The following DGKH variants were observed in gnomAD, a reference collection of about 807,000 sequenced individuals.
DGKH encodes the protein DAG kinase eta.
In DGKH, 90 loss-of-function variants were observed where a neutral mutation model predicts 159.3. That is an observed-to-expected ratio of 0.57 (90% CI 0.48 to 0.67). The LOEUF (loss-of-function observed/expected upper bound fraction) is 0.67. DGKH is among the 30% of genes least tolerant of loss of function. The pLI, the probability that DGKH is intolerant of heterozygous loss-of-function variation, is 0.00. For synonymous variants in DGKH, 536 were observed against 553.8 expected, an observed-to-expected ratio of 0.97 and a Z score of 0.45; for missense variants, 1,181 against 1,506.1, an observed-to-expected ratio of 0.78 and a Z score of 3.57.
chr13:42,102,570 A>T (rs1319243506), intron 1 of DGKH, among the ~76,000 whole-genome samples: 1 of 152,208 alleles, frequency 6.6e-6, no homozygotes, highest in Non-Finnish European at 1.5e-5. Flanking sequence ...AGAATGAATG[A>T]AGAAGTCCCA....
chr13:42,047,056 T>G (rs1314746525), upstream of DGKH, among the ~76,000 whole-genome samples: 3 of 152,242 alleles, frequency 2.0e-5, no homozygotes, highest in African/African-American at 7.2e-5. Flanking sequence ...GAATTACATA[T>G]TTGTAGAGTT....
rs10589269 is a variant in DGKH at position 42,074,648 on chromosome 13, G to GTCCATCCA, written c.192+25717_192+25724dup. ...GCCACTGTCTGTATTGTATCTATCC[G>GTCCATCCA]TCCATCCATCCATCCATCCATCCAT... On this transcript the variant is annotated intron_variant, in intron 1 of 29. Coordinates refer to ENST00000337343, the MANE Select transcript of DGKH (RefSeq NM_178009.5). Among the ~76,000 whole-genome samples, 999 of 149,048 alleles carry GTCCATCCA rather than the reference G, an allele frequency of 6.7e-3. 8 individuals are homozygous for GTCCATCCA. The highest frequency in any genetic ancestry group is 0.011 in the South Asian group (51 of 4,636).
At chr13:42,123,540 C>T (rs978118382) in intron 1 of DGKH, among the ~76,000 whole-genome samples, 1 of 7,652 alleles carries the variant, frequency 1.3e-4, no homozygotes, top group African/African-American at 2.8e-4. Flanking sequence ...GCCATTAATA[C>T]AATGGAAAAA....
chr13:42,256,539 A>C, exon 31 of DGKH: 2 of 762,046 alleles, frequency 2.6e-6, no homozygotes, highest in Non-Finnish European at 4.7e-6. Flanking sequence ...AAGTGATTTA[A>C]GTAAATTTAT....
intron 11 of DGKH, among the ~76,000 whole-genome samples, 172 bp from the exon 12 acceptor site, chr13:42,173,888 A>T (rs1317763662): frequency 1.3e-5 from 2 of 152,004 alleles, no homozygotes; most frequent in African/African-American, 2.4e-5. Flanking sequence ...CTGAAATGTG[A>T]TCTCTTTTCC....
intron 1 of DGKH, among the ~76,000 whole-genome samples, chr13:42,077,117 A>G (rs770660674): frequency 6.6e-6 from 1 of 152,114 alleles, no homozygotes; most frequent in Non-Finnish European, 1.5e-5. Flanking sequence ...GTACTTTCAA[A>G]TTGCTCATAT....
chr13:42,073,978 A>G (rs1251800928), intron 1 of DGKH, among the ~76,000 whole-genome samples: 1 of 152,218 alleles, frequency 6.6e-6, no homozygotes, highest in Non-Finnish European at 1.5e-5. Flanking sequence ...CACTGAATTC[A>G]TGGAACTTAG....
chr13:42,204,909 C>A (rs1222197343), intron 20 of DGKH, among the ~76,000 whole-genome samples: 3 of 152,040 alleles, frequency 2.0e-5, no homozygotes, highest in Admixed American at 6.6e-5. Context: ...AATGAGATGT[C>A]CCATTACAGA....
chr13:42,091,202 C>A (rs1954410602), intron 1 of DGKH, among the ~76,000 whole-genome samples: 2 of 151,944 alleles, frequency 1.3e-5, no homozygotes, highest in Non-Finnish European at 2.9e-5. Flanking sequence ...CATAGATATG[C>A]TCGTAGAAGA....
chr13:42,182,618 A>T (rs1253802178), intron 13 of DGKH, among the ~76,000 whole-genome samples: 2 of 152,232 alleles, frequency 1.3e-5, no homozygotes, highest in Non-Finnish European at 2.9e-5. Context: ...GACAAAAAAA[A>T]GTCTGCACAT....
chr13:42,155,591 T>C, intron 4 of DGKH, 76 bp from the exon 5 acceptor site: 2 of 1,598,946 alleles, frequency 1.3e-6, no homozygotes. Context: ...ACCATAACTA[T>C]ATGCATTCCA....
rs1419418853 is a variant in DGKH at position 42,241,435 on chromosome 13, T to G, written c.*12247T>G. 6.6e-6 allele frequency: 1 copy of G among 152,252 alleles called. No individual in the cohort carries two copies. Among genetic ancestry groups the G allele is most frequent in the Non-Finnish European group, 1.5e-5 (1 of 68,040 alleles). 9.4% of individuals were successfully genotyped at this position (152,252 alleles called of 1,614,324 possible). On this transcript the variant is annotated 3_prime_UTR_variant, in exon 30 of 30. Coordinates refer to ENST00000337343, the MANE Select transcript of DGKH (RefSeq NM_178009.5). The stretch of plus-strand genomic sequence containing the variant: ...AATCCCATTTTTATGTCCACAATTT[T>G]TACATTTTTGTATCAGCCACCAATA...
At chr13:42,147,731 G>A (rs1392660533) in intron 3 of DGKH, among the ~76,000 whole-genome samples, 2 of 152,142 alleles carry the variant, frequency 1.3e-5, no homozygotes, top group South Asian at 2.1e-4. Context: ...TGAAGTCACT[G>A]TGATCCCTGT....
At chr13:42,055,263 G>A (rs1305327152) in intron 1 of DGKH, among the ~76,000 whole-genome samples, 1 of 152,108 alleles carries the variant, frequency 6.6e-6, no homozygotes, top group African/African-American at 2.4e-5. Context: ...AATAAAGCTA[G>A]ATTTCAGTCC....
intron 30 of DGKH, chr13:42,256,193 G>A: frequency 2.4e-6 from 3 of 1,249,842 alleles, no homozygotes; most frequent in Admixed American, 1.7e-5. Context: ...AACAGTTGGA[G>A]GCAGCAGTGG....
intron 3 of DGKH, among the ~76,000 whole-genome samples, chr13:42,139,410 G>A (rs1308068104): frequency 2.6e-5 from 4 of 152,188 alleles, no homozygotes; most frequent in African/African-American, 4.8e-5. Context: ...GGTCCGAGGT[G>A]GTTAATAGAC....
At position 42,155,667 on chromosome 13, in the gene DGKH, G is replaced by A. The variant is rs1449944420; in HGVS notation, c.490G>A (p.Val164Met). 1 of 1,614,080 alleles carries A rather than the reference G, an allele frequency of 6.2e-7. No individual in the cohort carries two copies. Among genetic ancestry groups the A allele is most frequent in the African/African-American group, 1.3e-5 (1 of 75,004 alleles). ...ATCTGTCCTCACATCTCATTTCTAGGTGGCCCAGTTTAATGTGGAACATTT... is the reference window on the plus strand; with the variant it reads ...ATCTGTCCTCACATCTCATTTCTAGATGGCCCAGTTTAATGTGGAACATTT... ...KSVQTREPYE[V>M]AQFNVEHFSG... The change falls in exon 5 of 30, where the codon GTG becomes ATG. Residue 164 changes from valine (V) to methionine (M), a missense_variant and splice_region_variant. Physicochemically the swap from Val to Met is conservative, Grantham distance 21 (BLOSUM62 1). Coordinates refer to ENST00000337343, the MANE Select transcript of DGKH (RefSeq NM_178009.5).
At chr13:42,091,430 T>C (rs1011538217) in intron 1 of DGKH, among the ~76,000 whole-genome samples, 4 of 152,076 alleles carry the variant, frequency 2.6e-5, no homozygotes, top group Non-Finnish European at 5.9e-5. Context: ...GCAGTTAATA[T>C]CCAGAAAATG....
chr13:42,225,355 A>G, intron 29 of DGKH: 1 of 1,571,620 alleles, frequency 6.4e-7, no homozygotes, highest in Non-Finnish European at 8.6e-7. Flanking sequence ...TTTTTTGTTT[A>G]GTTTATTTTT....
Sources: gnomAD v4.1 joint callset for allele counts (sites outside exome capture counted in the v4.1 genomes callset) on GRCh38, gnomAD v4.1.1 for gene constraint, MANE v1.5 for transcripts, NCBI Gene and HGNC (gene_info 2026-07-23, HGNC 2026-07-21) for gene names.